Variants in STX18 observed in about 807,000 individuals in gnomAD.
STX18 encodes syntaxin 18, also known as syntaxin-18.
In STX18, 40 loss-of-function variants were observed where a neutral mutation model predicts 50.1. The ratio of observed to expected loss-of-function variants is 0.80; its 90% CI spans 0.62 to 1.04. The LOEUF (loss-of-function observed/expected upper bound fraction) is 1.04, where lower values mean the gene tolerates loss of function less well. Among genes scored for constraint, STX18 ranks in the 50% least tolerant of loss-of-function variants. The pLI is 0.00. For synonymous variants in STX18, 158 were observed against 151.8 expected (o/e 1.04, Z -0.30); for missense variants, 410 against 415.8 (o/e 0.99, Z 0.12).
intron 1 of STX18, among the ~76,000 whole-genome samples, chr4:4,495,727 A>T (rs1381323320): frequency 6.6e-6 from 1 of 152,062 alleles, no homozygotes; most frequent in Non-Finnish European, 1.5e-5. Flanking sequence ...GTCCACCTCC[A>T]GCACCTCCCC....
intron 7 of STX18, among the ~76,000 whole-genome samples, chr4:4,428,044 C>T (rs1725340989): frequency 6.6e-6 from 1 of 152,212 alleles, no homozygotes; most frequent in Admixed American, 6.5e-5. Flanking sequence ...GCTGGCAGGG[C>T]CCAGGACAAT....
intron 1 of STX18, among the ~76,000 whole-genome samples, chr4:4,520,210 A>G (rs1730449192): frequency 6.6e-6 from 1 of 152,208 alleles, no homozygotes; most frequent in African/African-American, 2.4e-5. Flanking sequence ...AATTATGCTG[A>G]AATTAAATAG....
rs1560219137 is a variant in STX18 at position 4,542,006 on chromosome 4, A to G, written c.-42T>C. ...AGCCCCACACTAGGCCCGCCCACGT[A>G]AGCAGCCGGCGACCGCGGCGCGAAC... On this transcript the variant is annotated 5_prime_UTR_variant, in exon 1 of 11. Coordinates refer to ENST00000306200, the MANE Select transcript of STX18 (RefSeq NM_016930.4). 2 of 1,518,038 alleles carry G rather than the reference A, an allele frequency of 1.3e-6. No individual in the cohort carries two copies. The highest frequency in any genetic ancestry group is 1.8e-6 in the Non-Finnish European group (2 of 1,131,736). The allele number at this position is 1,518,038 out of a possible 1,614,324, so 94.0% of individuals were successfully genotyped here. A position where few individuals can be genotyped will look rare whatever the true frequency, so the allele number is the denominator to read the frequency against.
chr4:4,539,822 A>G (rs1271811674), intron 1 of STX18, among the ~76,000 whole-genome samples: 1 of 152,196 alleles, frequency 6.6e-6, no homozygotes, highest in East Asian at 1.9e-4. Flanking sequence ...TTCACCACTC[A>G]GGGAGAGGTG....
chr4:4,541,292 C>T (rs1285077194), intron 1 of STX18, among the ~76,000 whole-genome samples: 1 of 152,172 alleles, frequency 6.6e-6, no homozygotes, highest in South Asian at 2.1e-4. Flanking sequence ...TACCCTAAAC[C>T]CGTCTCAAGA....
intron 5 of STX18, among the ~76,000 whole-genome samples, chr4:4,456,631 TG>T (rs1039983050): frequency 1.3e-5 from 2 of 152,034 alleles, no homozygotes; most frequent in African/African-American, 2.4e-5. Context: ...GGACAGGTAG[TG>T]GGGTTGGAGG....
chr4:4,505,030 C>T (rs1729634848), intron 1 of STX18, among the ~76,000 whole-genome samples: 2 of 152,092 alleles, frequency 1.3e-5, no homozygotes, highest in South Asian at 2.1e-4. Context: ...TGTTTTAGAA[C>T]ATTTTCATCA....
chr4:4,505,454 T>C (rs1002538346), intron 1 of STX18, among the ~76,000 whole-genome samples: 2 of 152,044 alleles, frequency 1.3e-5, no homozygotes, highest in Non-Finnish European at 2.9e-5. Flanking sequence ...ATACCGCACA[T>C]TGCTAGCCTG....
At chr4:4,508,899 C>G (rs1409278449) in intron 1 of STX18, among the ~76,000 whole-genome samples, 1 of 152,118 alleles carries the variant, frequency 6.6e-6, no homozygotes, top group Non-Finnish European at 1.5e-5. Flanking sequence ...GATCGTGTTC[C>G]TTTTTATGGC....
chr4:4,531,152 TACACACACAC>T (rs142048912), intron 1 of STX18, among the ~76,000 whole-genome samples: 1 of 149,576 alleles, frequency 6.7e-6, no homozygotes, highest in Non-Finnish European at 1.5e-5. Context: ...GGATAAAATT[TACACACACAC>T]ACACACACAC....
chr4:4,500,533 G>A (rs539414985), intron 1 of STX18, among the ~76,000 whole-genome samples: 1 of 152,290 alleles, frequency 6.6e-6, no homozygotes, highest in South Asian at 2.1e-4. Context: ...AGCAACCTGA[G>A]CATCCACAGA....
At chr4:4,516,958 A>G (rs942755982) in intron 1 of STX18, among the ~76,000 whole-genome samples, 13 of 152,234 alleles carry the variant, frequency 8.5e-5, no homozygotes, top group African/African-American at 2.9e-4. Context: ...AAAACGATTT[A>G]TGCAATAGCG....
intron 1 of STX18, among the ~76,000 whole-genome samples, chr4:4,525,440 G>A (rs1730706515): frequency 6.6e-6 from 1 of 152,212 alleles, no homozygotes; most frequent in South Asian, 2.1e-4. Context: ...AAAATTACCT[G>A]TGTTGATTCA....
chr4:4,435,001 C>T (rs1329032047), intron 6 of STX18, 143 bp from the exon 7 acceptor site: 2 of 613,804 alleles, frequency 3.3e-6, no homozygotes, highest in Admixed American at 7.2e-5. Flanking sequence ...GGCTAATATT[C>T]AGGCACTGCA....
At chr4:4,483,480 A>G (rs1298338397) in intron 1 of STX18, among the ~76,000 whole-genome samples, 1 of 152,266 alleles carries the variant, frequency 6.6e-6, no homozygotes, top group South Asian at 2.1e-4. Flanking sequence ...ACTAACTTCA[A>G]TCTAATTAAA....
chr4:4,542,172 G>T (rs112054499), upstream of STX18: 515 of 568,092 alleles, frequency 9.1e-4, 1 homozygote, highest in African/African-American at 8.5e-3. Flanking sequence ...GGCGGAGGAG[G>T]AACCTCGCGA....
chr4:4,424,429 T>C (rs1392908547), intron 8 of STX18, among the ~76,000 whole-genome samples: 1 of 70,424 alleles, frequency 1.4e-5, no homozygotes, highest in Non-Finnish European at 2.8e-5. Flanking sequence ...TATCTGGGCA[T>C]GGGGGAGTAG....
rs765479921 is a variant in STX18 at position 4,438,389 on chromosome 4, C to T, written c.613+5G>A. ...GCAAGGTGAGATTTTCATCTCAATTCGTACCTGGACGTTCTTCAGTGGCAG... is the reference window on the plus strand; with the variant it reads ...GCAAGGTGAGATTTTCATCTCAATTTGTACCTGGACGTTCTTCAGTGGCAG... On this transcript the variant is annotated splice_donor_5th_base_variant and intron_variant, in intron 6 of 10. Coordinates refer to ENST00000306200, the MANE Select transcript of STX18 (RefSeq NM_016930.4). 17 of 1,603,168 alleles carry T rather than the reference C, an allele frequency of 1.1e-5. No homozygotes were observed. The highest frequency in any genetic ancestry group is 1.7e-5 in the Admixed American group (1 of 59,014).
rs1724859994 is a variant in STX18 at position 4,420,241 on chromosome 4, G to T, written c.913-112C>A. 1 of 797,626 alleles carries T rather than the reference G, an allele frequency of 1.3e-6. No individual in the cohort carries two copies. Among genetic ancestry groups the T allele is most frequent in the Non-Finnish European group, 2.1e-6 (1 of 485,350 alleles). The allele number at this position is 797,626 out of a possible 1,614,324, so 49.4% of individuals were successfully genotyped here. ...CTCCTGATCCTGGCTGTAACTATGG[G>T]TGTCGTTCCATCTGTGCTTACCTTG... is the stretch of plus-strand genomic sequence containing the variant. On this transcript the variant is annotated intron_variant, in intron 10 of 10. Coordinates refer to ENST00000306200, the MANE Select transcript of STX18 (RefSeq NM_016930.4). This position sits in a 1 kb window ranked among gnomAD's most constrained non-coding sequence, Gnocchi z 4.3.
Sources: gnomAD v4.1 joint callset for allele counts (sites outside exome capture counted in the v4.1 genomes callset) on GRCh38, gnomAD v4.1.1 for gene constraint, Gnocchi (gnomAD v3.1) non-coding constraint, MANE v1.5 for transcripts, NCBI Gene and HGNC (gene_info 2026-07-23, HGNC 2026-07-21) for gene names.